DGKH: variants seen among roughly 807,000 people sequenced by gnomAD.
The protein encoded by DGKH is DAG kinase eta.
DGKH carries 90 observed loss-of-function variants against 159.3 expected under a neutral mutation model. The ratio of observed to expected loss-of-function variants is 0.57; its 90% CI spans 0.48 to 0.67. The LOEUF is 0.67. Ranked by LOEUF, DGKH falls within the 30% of genes least tolerant of loss-of-function variation. DGKH has a pLI of 0.00. For synonymous variants in DGKH, 536 were observed against 553.8 expected, an observed-to-expected ratio of 0.97 and a Z score of 0.45; for missense variants, 1,181 against 1,506.1, an observed-to-expected ratio of 0.78 and a Z score of 3.57.
Position 42,253,282 on chromosome 13 carries a change from T to G in DGKH, n.4127+801T>G, listed in dbSNP as rs543524622. Among the ~76,000 whole-genome samples the G allele has an allele frequency of 3.8e-4, 58 of 152,150 alleles. No homozygotes were observed. In the South Asian group the frequency reaches 0.011, roughly 29 times the overall value. On this transcript the variant is annotated intron_variant and non_coding_transcript_variant, in intron 30 of 30. Transcript: ENST00000498255. The stretch of plus-strand genomic sequence containing the variant: ...TCCTCGAATGGGATTAATGCCCTTA[T>G]AATAGAGGATTCAGAGAGCTCCCTT...
At chr13:42,222,646 A>G (rs1958010222) in intron 29 of DGKH, among the ~76,000 whole-genome samples, 1 of 152,208 alleles carries the variant, frequency 6.6e-6, no homozygotes, top group African/African-American at 2.4e-5. Flanking sequence ...AACTTCTGAT[A>G]TCCTTGGCAG....
chr13:42,114,970 C>T (rs1954937926), intron 1 of DGKH, among the ~76,000 whole-genome samples: 1 of 152,194 alleles, frequency 6.6e-6, no homozygotes, highest in Admixed American at 6.5e-5. Flanking sequence ...GAGATATTTG[C>T]TTATCATTTT....
At chr13:42,143,082 A>T (rs1017477742) in intron 3 of DGKH, among the ~76,000 whole-genome samples, 1 of 148,698 alleles carries the variant, frequency 6.7e-6, no homozygotes, top group Non-Finnish European at 1.5e-5. Context: ...TCAATACCTA[A>T]TTTTTTTGAG....
intron 1 of DGKH, among the ~76,000 whole-genome samples, chr13:42,074,923 C>G (rs1036213126): frequency 1.3e-5 from 2 of 152,050 alleles, no homozygotes; most frequent in Non-Finnish European, 2.9e-5. Flanking sequence ...ATAAGGGTTA[C>G]GTGGGGCTTT....
intron 12 of DGKH, among the ~76,000 whole-genome samples, chr13:42,177,394 T>C (rs1322933094): frequency 6.6e-6 from 1 of 152,234 alleles, no homozygotes. Flanking sequence ...TGGTCTTCCA[T>C]TGCACAAATA....
intron 13 of DGKH, chr13:42,181,808 TG>T: frequency 6.3e-6 from 2 of 315,208 alleles, no homozygotes; most frequent in Non-Finnish European, 6.8e-6. Flanking sequence ...CTGCAGTGGG[TG>T]GGGCCACTGC....
rs1184745523 is a variant in DGKH at position 42,085,109 on chromosome 13, G to A, written c.192+36144G>A. Among the ~76,000 whole-genome samples the A allele has an allele frequency of 3.3e-5, 5 of 152,088 alleles. No homozygotes were observed. In the South Asian group the frequency reaches 1.0e-3, roughly 31 times the overall value. On this transcript the variant is annotated intron_variant, in intron 1 of 29. Transcript: ENST00000337343. ...AGAAAAAAATTTAAATTTAGGTTAT[G>A]TTAATGCAGATGATATAAAAACAGC... is the stretch of plus-strand genomic sequence containing the variant.
chr13:42,049,585 A>G (rs368235583), intron 1 of DGKH, among the ~76,000 whole-genome samples: 1 of 152,200 alleles, frequency 6.6e-6, no homozygotes, highest in Non-Finnish European at 1.5e-5. Flanking sequence ...CAAGTGGGAC[A>G]TGGTGTTCGC....
intron 1 of DGKH, among the ~76,000 whole-genome samples, chr13:42,051,646 CTTTTTTTTTTTTTTT>C (rs56413015): frequency 6.4e-4 from 32 of 50,186 alleles, no homozygotes; most frequent in East Asian, 8.3e-4. Flanking sequence ...TCAAAGCCAT[CTTTTTTTTTTTTTTT>C]TTTTTTTTTT....
chr13:42,180,608 A>G (rs1001744268), intron 13 of DGKH, among the ~76,000 whole-genome samples: 2 of 152,170 alleles, frequency 1.3e-5, no homozygotes, highest in African/African-American at 4.8e-5. Flanking sequence ...TCTTTGTCTA[A>G]GGCTCTGCTC....
At chr13:42,105,878 T>C (rs1386272716) in intron 1 of DGKH, among the ~76,000 whole-genome samples, 1 of 152,240 alleles carries the variant, frequency 6.6e-6, no homozygotes, top group African/African-American at 2.4e-5. Flanking sequence ...TCTCAGCACT[T>C]CCTGGCATGC....
chr13:42,254,627 G>A lies in DGKH; in HGVS notation n.4128-1657G>A, dbSNP rs566979902. ...CACTAGGCAACAAAAGCAAAGCTCC[G>A]TCAGAAAAAAAAAAAAAAAGAATGT... is the stretch of plus-strand genomic sequence containing the variant. On this transcript the variant is annotated intron_variant and non_coding_transcript_variant, in intron 30 of 30. Transcript: ENST00000498255. Among the ~76,000 whole-genome samples, 507 of 144,050 alleles carry A rather than the reference G, an allele frequency of 3.5e-3. 4 individuals are homozygous for A. Among genetic ancestry groups the A allele is most frequent in the African/African-American group, 0.012 (470 of 39,402 alleles). The allele number at this position is 144,050 out of a possible 152,430, so 94.5% of individuals were successfully genotyped here. A position where few individuals can be genotyped will look rare whatever the true frequency, so the allele number is the denominator to read the frequency against.
At chr13:42,158,702 C>A (rs1956102762) in intron 5 of DGKH, among the ~76,000 whole-genome samples, 1 of 152,126 alleles carries the variant, frequency 6.6e-6, no homozygotes, top group African/African-American at 2.4e-5. Flanking sequence ...GTGTTGGTCA[C>A]CCTCACCAAC....
At chr13:42,248,718 G>C (rs1202689603) in intron 29 of DGKH, among the ~76,000 whole-genome samples, 1 of 149,496 alleles carries the variant, frequency 6.7e-6, no homozygotes, top group Non-Finnish European at 1.5e-5. Flanking sequence ...CCTTTTCTCT[G>C]TTTAGATATG....
intron 1 of DGKH, among the ~76,000 whole-genome samples, chr13:42,109,405 G>A (rs1013382030): frequency 8.1e-4 from 124 of 152,254 alleles, no homozygotes; most frequent in African/African-American, 2.9e-3. Context: ...AACCCAGGCC[G>A]TACCTCTGCA....
chr13:42,079,943 TA>T (rs1954169120), intron 1 of DGKH, among the ~76,000 whole-genome samples: 1 of 152,244 alleles, frequency 6.6e-6, no homozygotes. Flanking sequence ...AATACACAAA[TA>T]ACTTGGCTAA....
At chr13:42,100,669 A>G (rs1323495032) in intron 1 of DGKH, among the ~76,000 whole-genome samples, 1 of 152,216 alleles carries the variant, frequency 6.6e-6, no homozygotes, top group African/African-American at 2.4e-5. Context: ...ATTTACATTA[A>G]TAAAACATCT....
chr13:42,129,607 C>T lies in DGKH; in HGVS notation c.359C>T (p.Thr120Met), dbSNP rs764156778. The T allele has an allele frequency of 3.7e-6, 6 of 1,612,670 alleles. No individual in the cohort carries two copies. The highest frequency in any genetic ancestry group is 2.2e-5 in the East Asian group (1 of 44,860). The change falls in exon 3 of 30, where the codon ACG becomes ATG. Residue 120 changes from threonine (T) to methionine (M), a missense_variant. Physicochemically the swap from Thr to Met is moderately conservative, Grantham distance 81. Coordinates refer to ENST00000337343, the MANE Select transcript of DGKH (RefSeq NM_178009.5). ...GATGCTAGTGTAGCTGAAGCAAGCA[C>T]GAAAAATGCTAACAACAGCTTCACG... The part of the protein sequence containing the change: ...LSDASVAEAS[T>M]KNANNSFTII...
At chr13:42,051,644 A>G (rs1006336338) in intron 1 of DGKH, among the ~76,000 whole-genome samples, 1 of 106,638 alleles carries the variant, frequency 9.4e-6, no homozygotes, top group Admixed American at 1.0e-4. Flanking sequence ...GCTCAAAGCC[A>G]TCTTTTTTTT....
Sources: gnomAD v4.1 joint callset for allele counts (sites outside exome capture counted in the v4.1 genomes callset) on GRCh38, gnomAD v4.1.1 for gene constraint, MANE v1.5 for transcripts, NCBI Gene and HGNC (gene_info 2026-07-23, HGNC 2026-07-21) for gene names.